Variants in SPATA22 observed in about 807,000 individuals in gnomAD.
SPATA22 encodes spermatogenesis associated 22.
SPATA22 carries 29 observed loss-of-function variants against 47.8 expected under a neutral mutation model. That is an observed-to-expected ratio of 0.61 (90% confidence interval 0.45 to 0.83). SPATA22 has a LOEUF of 0.83. Among genes scored for constraint, SPATA22 ranks in the 40% least tolerant of loss-of-function variants. The probability of loss-of-function intolerance (pLI) is 0.00; values close to 1 mark genes in which losing one functional copy is unlikely to be tolerated. For synonymous variants in SPATA22, 133 were observed against 140.9 expected (o/e 0.94, Z 0.40); for missense variants, 410 against 421.7 (o/e 0.97, Z 0.24).
In SPATA22 at chr17:3,480,549, A is replaced by C. The variant is rs116645912; in HGVS notation, c.-73-11151T>G. On this transcript the variant is annotated intron_variant, in intron 1 of 8. Coordinates refer to the SPATA22 transcript ENST00000541913. ...CTGATCTGTCAACTCAGGGTTTACA[A>C]AATATCTCAAGCCCTGATCTTAGGT... Among the ~76,000 whole-genome samples, 547 of 152,304 alleles carry C rather than the reference A, an allele frequency of 3.6e-3. 4 individuals are homozygous for C. The highest frequency in any genetic ancestry group is 0.012 in the African/African-American group (499 of 41,548).
At chr17:3,466,673 A>G (rs1402618968) in intron 3 of SPATA22, among the ~76,000 whole-genome samples, 2 of 152,398 alleles carry the variant, frequency 1.3e-5, no homozygotes, top group East Asian at 3.9e-4. Flanking sequence ...AAAATACTTT[A>G]GAACGGGTTA....
In SPATA22 at chr17:3,462,734, G is replaced by C; in HGVS notation, c.206C>G (p.Ala69Gly). 2 of 1,613,522 alleles carry C rather than the reference G, an allele frequency of 1.2e-6. No individual in the cohort carries two copies. The highest frequency in any genetic ancestry group is 1.7e-6 in the Non-Finnish European group (2 of 1,179,518). Residue 69 changes from alanine (A) to glycine (G), a missense_variant, in exon 4 of 9, where the codon GCT becomes GGT. Physicochemically the swap from Ala to Gly is moderately conservative, Grantham distance 60. Coordinates refer to ENST00000572969, the MANE Select transcript of SPATA22 (RefSeq NM_001170698.2). ...GGTGTCCACTGTTTTCATTACAGGA[G>C]CCAACTCTGGATTCACAGCTTCCCA... ...WAWEAVNPEL[A>G]PVMKTVDTGQ...
chr17:3,482,929 A>C (rs543728695), intron 1 of SPATA22, among the ~76,000 whole-genome samples: 1 of 134,066 alleles, frequency 7.5e-6, no homozygotes. Flanking sequence ...TCCTAATGCT[A>C]TCCCTCCCCC....
Position 3,440,214 on chromosome 17 carries a change from A to C in SPATA22, c.1025T>G (p.Phe342Cys), listed in dbSNP as rs761767600. 1.9e-6 allele frequency: 3 copies of C among 1,610,824 alleles called. No individual in the cohort carries two copies. The highest frequency in any genetic ancestry group is 1.3e-5 in the African/African-American group (1 of 74,870). ...ATCTGCAATTTTGACAAATGCCTGG[A>C]AAGTTTTTTGTTCAGAAACAGACGC... ...RPASVSEQKT[F>C]QAFVKIADVE... The change falls in exon 9 of 9, where the codon TTC becomes TGC. Residue 342 changes from phenylalanine (F) to cysteine (C), a missense_variant. Phe to Cys is a radical substitution (Grantham distance 205). Coordinates refer to ENST00000572969, the MANE Select transcript of SPATA22 (RefSeq NM_001170698.2).
intron 1 of SPATA22, among the ~76,000 whole-genome samples, chr17:3,491,524 A>G (rs1396282071): frequency 6.6e-6 from 1 of 152,196 alleles, no homozygotes; most frequent in African/African-American, 2.4e-5. Flanking sequence ...AGGCAGGCAG[A>G]TCACTTGAGG....
intron 3 of SPATA22, among the ~76,000 whole-genome samples, chr17:3,466,028 A>G (rs894702700): frequency 3.9e-5 from 6 of 151,936 alleles, no homozygotes; most frequent in African/African-American, 1.5e-4. Context: ...CCAGTTGTGC[A>G]TATCCATGTG....
chr17:3,498,089 TTC>T (rs1434465494), intron 1 of SPATA22, among the ~76,000 whole-genome samples: 1 of 152,170 alleles, frequency 6.6e-6, no homozygotes, highest in Non-Finnish European at 1.5e-5. Context: ...CAGCACCACC[TTC>T]TCTCACCAAT....
intron 5 of SPATA22, among the ~76,000 whole-genome samples, chr17:3,456,839 G>A (rs970056529): frequency 6.6e-6 from 1 of 151,428 alleles, no homozygotes; most frequent in African/African-American, 2.4e-5. Flanking sequence ...ACATCAAAAA[G>A]CTTATCCACC....
intron 7 of SPATA22, among the ~76,000 whole-genome samples, chr17:3,444,001 T>C (rs1055585027): frequency 3.9e-5 from 6 of 152,010 alleles, no homozygotes; most frequent in Admixed American, 6.6e-5. Context: ...AATTGCAAGT[T>C]TGTACCCTTT....
intron 8 of SPATA22, among the ~76,000 whole-genome samples, chr17:3,442,910 G>C (rs1183961898): frequency 6.6e-6 from 1 of 151,764 alleles, no homozygotes; most frequent in African/African-American, 2.4e-5. Context: ...TAACATTTCT[G>C]TACCATTCTA....
chr17:3,487,016 C>A (rs887671801), intron 1 of SPATA22, among the ~76,000 whole-genome samples: 1 of 151,958 alleles, frequency 6.6e-6, no homozygotes, highest in African/African-American at 2.4e-5. Context: ...TAGGAGAGGG[C>A]TGTGTCCAGT....
chr17:3,469,962 G>A (rs1004067637), intron 1 of SPATA22, among the ~76,000 whole-genome samples: 65 of 151,924 alleles, frequency 4.3e-4, no homozygotes, highest in African/African-American at 1.4e-3. Flanking sequence ...GAGTGGTGGC[G>A]GGCGCCTGTA....
At chr17:3,446,046 G>T (rs1461012901) in intron 7 of SPATA22, among the ~76,000 whole-genome samples, 1 of 151,870 alleles carries the variant, frequency 6.6e-6, no homozygotes, top group Admixed American at 6.6e-5. Flanking sequence ...GCATTCTTTG[G>T]CTCATGGCCC....
intron 1 of SPATA22, among the ~76,000 whole-genome samples, chr17:3,498,593 C>T (rs1421792581): frequency 5.3e-5 from 8 of 152,164 alleles, no homozygotes; most frequent in Admixed American, 2.6e-4. Flanking sequence ...GCGATCCACC[C>T]ACATTGGCCT....
chr17:3,470,204 C>G (rs1322544730), intron 1 of SPATA22, among the ~76,000 whole-genome samples: 1 of 151,064 alleles, frequency 6.6e-6, no homozygotes, highest in Admixed American at 6.6e-5. Context: ...CAAGTTTTTC[C>G]TTAGTTTTCT....
At chr17:3,464,188 G>A (rs2073212079) in intron 3 of SPATA22, among the ~76,000 whole-genome samples, 1 of 152,226 alleles carries the variant, frequency 6.6e-6, no homozygotes, top group East Asian at 1.9e-4. Flanking sequence ...CGCTGTGTTG[G>A]CCGGGCTGGT....
rs139562234 is a variant in SPATA22, at chr17:3,497,094, G to C, written c.-74+16318C>G. ...AAAAAGAAAAAATGCTGATTTCTGAGTCCTCTTCCCAGGGGCTCTGATCTA... is the reference window on the plus strand; with the variant it reads ...AAAAAGAAAAAATGCTGATTTCTGACTCCTCTTCCCAGGGGCTCTGATCTA... On this transcript the variant is annotated intron_variant, in intron 1 of 8. Transcript: ENST00000541913. Among the ~76,000 whole-genome samples, 1,194 of 152,244 alleles carry C rather than the reference G, an allele frequency of 7.8e-3. 12 individuals carry two copies. The highest frequency in any genetic ancestry group is 0.028 in the African/African-American group (1,146 of 41,554).
intron 1 of SPATA22, among the ~76,000 whole-genome samples, chr17:3,495,926 T>C (rs3786009): frequency 0.12 from 18,670 of 152,104 alleles, 2,275 homozygotes; most frequent in East Asian, 0.65. Flanking sequence ...AAAGCACTAT[T>C]GGTGACAAAA....
chr17:3,507,747 G>A (rs1442907297), intron 1 of SPATA22, among the ~76,000 whole-genome samples: 2 of 152,186 alleles, frequency 1.3e-5, no homozygotes, highest in Non-Finnish European at 2.9e-5. Flanking sequence ...GACCGGAAGA[G>A]CTTTGTAAAC....
Sources: gnomAD v4.1 joint callset for allele counts (sites outside exome capture counted in the v4.1 genomes callset) on GRCh38, gnomAD v4.1.1 for gene constraint, MANE v1.5 for transcripts, NCBI Gene and HGNC (gene_info 2026-07-23, HGNC 2026-07-21) for gene names.